The following SMIM21 variants were observed in gnomAD, a reference collection of about 807,000 sequenced individuals.
SMIM21 encodes the protein chromosome 18 open reading frame 62.
SMIM21 carries 8 observed loss-of-function variants against 8.6 expected under a neutral mutation model. The ratio of observed to expected loss-of-function variants is 0.93; its 90% CI spans 0.55 to 1.68. The LOEUF (loss-of-function observed/expected upper bound fraction) is 1.68, where lower values mean the gene tolerates loss of function less well. Among genes scored for constraint, SMIM21 ranks in the 40% most tolerant of loss-of-function variants. SMIM21 has a pLI of 0.00. For missense variants in SMIM21, 132 were observed against 123.0 expected (o/e 1.07, Z -0.35); for synonymous variants, 43 against 41.7 (o/e 1.03, Z -0.12).
intron 1 of SMIM21, 75 bp downstream of exon 1, chr18:75,427,360 G>T: frequency 6.8e-7 from 1 of 1,469,062 alleles, no homozygotes; most frequent in Non-Finnish European, 9.1e-7. Flanking sequence ...TGGGGCAAAA[G>T]AGTGCTTTGT....
intron 2 of SMIM21, among the ~76,000 whole-genome samples, chr18:75,415,621 A>G (rs185449950): frequency 6.6e-6 from 1 of 152,190 alleles, no homozygotes; most frequent in East Asian, 1.9e-4. Context: ...ACCACTAACA[A>G]CTCTGAGGGT....
Position 75,426,631 on chromosome 18 carries a change from T to TA in SMIM21, c.129+803dup, listed in dbSNP as rs777676195. Reference sequence around the variant, plus strand: ...GCCCTAGACCATTACTTTTAAAATGTAAAAAAAAAAAAAAAAAAAAAAAAA... The same window carrying TA: ...GCCCTAGACCATTACTTTTAAAATGTAAAAAAAAAAAAAAAAAAAAAAAAAA... On this transcript the variant is annotated intron_variant, in intron 1 of 2. Coordinates refer to ENST00000579022, the MANE Select transcript of SMIM21 (RefSeq NM_001037331.3). 7.2e-4 allele frequency among the ~76,000 whole-genome samples: 64 copies of TA among 89,226 alleles called. 1 individual carries two copies. Among genetic ancestry groups the TA allele is most frequent in the Non-Finnish European group, 1.0e-3 (50 of 48,110 alleles). The allele number at this position is 89,226 out of a possible 152,430, so 58.5% of individuals were successfully genotyped here. A position where few individuals can be genotyped will look rare whatever the true frequency, so the allele number is the denominator to read the frequency against.
intron 2 of SMIM21, among the ~76,000 whole-genome samples, chr18:75,413,325 C>A (rs188173334): frequency 5.3e-5 from 8 of 152,308 alleles, no homozygotes; most frequent in African/African-American, 1.9e-4. Flanking sequence ...ATTGTGAATT[C>A]TAAATGTCTT....
intron 1 of SMIM21, among the ~76,000 whole-genome samples, chr18:75,421,972 C>T (rs1464556935): frequency 2.0e-5 from 3 of 151,890 alleles, no homozygotes; most frequent in Non-Finnish European, 2.9e-5. Context: ...CAGGGACTCC[C>T]GGACTACACT....
At chr18:75,417,955 T>C (rs1428734045) in intron 2 of SMIM21, 1 of 359,454 alleles carries the variant, frequency 2.8e-6, no homozygotes, top group Non-Finnish European at 4.9e-6. Context: ...TTAAGTCTTA[T>C]TCCTAGGGTA....
intron 2 of SMIM21, chr18:75,412,541 A>T (rs2024595086): frequency 6.6e-6 from 1 of 152,140 alleles, no homozygotes; most frequent in Admixed American, 6.6e-5. Flanking sequence ...AGAATCGGGC[A>T]ACAGTCTTAG....
rs1458041065 is a variant in SMIM21, at chr18:75,427,602, A to G, written c.-39T>C. Reference sequence around the variant, plus strand: ...CGGTGACCAGTGAGAGGTCTCCTTGATGACAGCGACTCTGAGGACACAGAG... The same window carrying G: ...CGGTGACCAGTGAGAGGTCTCCTTGGTGACAGCGACTCTGAGGACACAGAG... On this transcript the variant is annotated 5_prime_UTR_variant, in exon 1 of 3. Coordinates refer to ENST00000579022, the MANE Select transcript of SMIM21 (RefSeq NM_001037331.3). 1 of 1,550,462 alleles carries G rather than the reference A, an allele frequency of 6.4e-7. No individual in the cohort carries two copies. Among genetic ancestry groups the G allele is most frequent in the South Asian group, 1.2e-5 (1 of 82,070 alleles).
At chr18:75,418,950 AGT>A (rs754351354) in intron 1 of SMIM21, 34 bp from the exon 2 acceptor site, 1 of 1,460,826 alleles carries the variant, frequency 6.8e-7, no homozygotes, top group Non-Finnish European at 9.5e-7. Context: ...TACTATTTAC[AGT>A]GTCTGGCTTT....
At chr18:75,421,577 C>T (rs1222742075) in intron 1 of SMIM21, among the ~76,000 whole-genome samples, 1 of 151,978 alleles carries the variant, frequency 6.6e-6, no homozygotes, top group South Asian at 2.1e-4. Context: ...GTTTCTCTCA[C>T]GTGGAGCTCT....
intron 1 of SMIM21, among the ~76,000 whole-genome samples, chr18:75,425,898 A>G (rs940117516): frequency 3.2e-4 from 48 of 152,190 alleles, no homozygotes; most frequent in African/African-American, 1.2e-3. Context: ...GTGCTCCCTG[A>G]GGTGGGGGCC....
In SMIM21 at chr18:75,427,470, T is replaced by C; in HGVS notation, c.94A>G (p.Lys32Glu). The C allele has an allele frequency of 6.2e-7, 1 of 1,614,070 alleles. No homozygotes were observed. The highest frequency in any genetic ancestry group is 8.5e-7 in the Non-Finnish European group (1 of 1,179,968). Residue 32 changes from lysine (K) to glutamate (E), a missense_variant, in exon 1 of 3, where the codon AAG becomes GAG. By Grantham distance (56) the Lys-to-Glu change is moderately conservative. Coordinates refer to ENST00000579022, the MANE Select transcript of SMIM21 (RefSeq NM_001037331.3). Reference sequence around the variant, plus strand: ...GCTTTCTTCTGCAGCAAATTCCCCTTGAATATCCGTCCCATTCCTGCAGAG... The same window carrying C: ...GCTTTCTTCTGCAGCAAATTCCCCTCGAATATCCGTCCCATTCCTGCAGAG... ...QDSAGMGRIF[K>E]GNLLQKKALT...
chr18:75,414,848 C>T (rs1003226101), intron 2 of SMIM21, among the ~76,000 whole-genome samples: 10 of 152,108 alleles, frequency 6.6e-5, no homozygotes, highest in East Asian at 3.9e-4. Flanking sequence ...TTGCGTACCC[C>T]GCTCAGGGAT....
chr18:75,415,668 G>T (rs982651802), intron 2 of SMIM21, among the ~76,000 whole-genome samples: 5 of 152,170 alleles, frequency 3.3e-5, no homozygotes, highest in African/African-American at 1.2e-4. Context: ...CTCAACTAAA[G>T]TTATATAGGA....
chr18:75,410,997 T>A (rs2024578157), intron 2 of SMIM21, 88 bp from the exon 3 acceptor site: 2 of 1,525,898 alleles, frequency 1.3e-6, no homozygotes, highest in East Asian at 4.9e-5. Context: ...TTTGTTTTTA[T>A]CTAATGAACA....
In SMIM21 at chr18:75,426,739, C is replaced by T. The variant is rs1049524525; in HGVS notation, c.129+696G>A. 8.6e-5 allele frequency among the ~76,000 whole-genome samples: 13 copies of T among 151,482 alleles called. No homozygotes were observed. In the East Asian group the frequency reaches 2.5e-3, roughly 29 times the overall value. ...AGACAGAGGAAGGAGATGCTACCTG[C>T]CTGCTCCCATCCATCTCCTCTTCAC... On this transcript the variant is annotated intron_variant, in intron 1 of 2. Transcript: ENST00000579022.
chr18:75,421,112 G>T (rs189321606), intron 1 of SMIM21, among the ~76,000 whole-genome samples: 9 of 152,324 alleles, frequency 5.9e-5, no homozygotes, highest in Non-Finnish European at 1.2e-4. Context: ...TCGCGAAGCA[G>T]TTTTCCTGTA....
intron 2 of SMIM21, among the ~76,000 whole-genome samples, chr18:75,413,372 C>T (rs1276939691): frequency 6.6e-6 from 1 of 152,188 alleles, no homozygotes; most frequent in Admixed American, 6.5e-5. Flanking sequence ...TGATCACCCC[C>T]TGTGAAATTA....
chr18:75,426,106 A>G (rs1469733758), intron 1 of SMIM21, among the ~76,000 whole-genome samples: 3 of 152,132 alleles, frequency 2.0e-5, no homozygotes, highest in South Asian at 2.1e-4. Context: ...GTATTAATTC[A>G]TAACCATCAT....
chr18:75,418,662 A>T (rs1210829818), intron 2 of SMIM21, 124 bp downstream of exon 2: 2 of 932,192 alleles, frequency 2.1e-6, no homozygotes, highest in African/African-American at 3.3e-5. Context: ...GCACTCTCCT[A>T]GGTGGCTACA....
Sources: allele counts gnomAD v4.1 joint callset (sites outside exome capture counted in the v4.1 genomes callset), GRCh38; gene constraint gnomAD v4.1.1; transcripts MANE v1.5; gene names NCBI Gene and HGNC (gene_info 2026-07-23, HGNC 2026-07-21).